The following PLCB1 variants were observed in gnomAD, a reference collection of about 807,000 sequenced individuals.
The protein encoded by PLCB1 is 1-phosphatidylinositol 4,5-bisphosphate phosphodiesterase beta-1.
A neutral mutation model predicts 161.8 loss-of-function variants in PLCB1; 46 were observed. The ratio of observed to expected loss-of-function variants is 0.28; its 90% CI spans 0.22 to 0.36. The LOEUF is 0.36. PLCB1 is among the 10% of genes least tolerant of loss of function. PLCB1 has a pLI of 1.00. For missense variants in PLCB1, 1,016 were observed against 1,472.5 expected (o/e 0.69, Z 5.07); for synonymous variants, 517 against 503.7 (o/e 1.03, Z -0.35).
intron 3 of PLCB1, among the ~76,000 whole-genome samples, chr20:8,413,793 A>G (rs188295352): frequency 1.4e-4 from 21 of 152,248 alleles, no homozygotes; most frequent in Non-Finnish European, 2.5e-4. Context: ...AGACTTTAAA[A>G]CTCAAGAGCT....
intron 3 of PLCB1, among the ~76,000 whole-genome samples, chr20:8,403,839 A>G (rs1232738144): frequency 6.6e-6 from 1 of 152,196 alleles, no homozygotes; most frequent in Admixed American, 6.5e-5. Context: ...ATGAACATTC[A>G]GTATCTTCAG....
chr20:8,385,120 C>G (rs535471373), intron 3 of PLCB1, among the ~76,000 whole-genome samples: 12 of 152,334 alleles, frequency 7.9e-5, no homozygotes, highest in South Asian at 6.2e-4. Flanking sequence ...TTCCTCAGAA[C>G]TACCAGGATG....
chr20:8,733,161 A>G (rs1249270377), intron 18 of PLCB1, 77 bp from the exon 19 acceptor site: 4 of 1,430,436 alleles, frequency 2.8e-6, no homozygotes, highest in Admixed American at 3.4e-5. Flanking sequence ...GACTGGGATC[A>G]ACTTTACTTT....
At chr20:8,818,144 A>G (rs927364630) in intron 31 of PLCB1, among the ~76,000 whole-genome samples, 4 of 152,234 alleles carry the variant, frequency 2.6e-5, no homozygotes, top group Non-Finnish European at 5.9e-5. Context: ...TAATAAAATT[A>G]ATTCTGGATT....
At chr20:8,169,628 G>A (rs140306761) in intron 2 of PLCB1, among the ~76,000 whole-genome samples, 1 of 152,294 alleles carries the variant, frequency 6.6e-6, no homozygotes, top group East Asian at 1.9e-4. Flanking sequence ...GAATGCCAGT[G>A]TCTCAGGTTG....
chr20:8,561,478 T>G (rs1986139839), intron 3 of PLCB1, among the ~76,000 whole-genome samples: 1 of 151,456 alleles, frequency 6.6e-6, no homozygotes, highest in Non-Finnish European at 1.5e-5. Flanking sequence ...CACTGGAGAG[T>G]TGAAACAAAA....
At chr20:8,284,785 T>A (rs948847081) in intron 2 of PLCB1, among the ~76,000 whole-genome samples, 2 of 152,086 alleles carry the variant, frequency 1.3e-5, no homozygotes, top group Non-Finnish European at 2.9e-5. Flanking sequence ...TGCCCTTAAT[T>A]CTTATTTCTC....
chr20:8,145,813 ATATTT>A (rs1359454651), intron 1 of PLCB1, among the ~76,000 whole-genome samples: 3 of 152,226 alleles, frequency 2.0e-5, no homozygotes, highest in Non-Finnish European at 4.4e-5. Flanking sequence ...TACGAATACT[ATATTT>A]AATTTAATCC....
At chr20:8,681,113 T>TAAA (rs1568558253) in intron 9 of PLCB1, among the ~76,000 whole-genome samples, 17 of 110,844 alleles carry the variant, frequency 1.5e-4, no homozygotes, top group African/African-American at 7.2e-4. Context: ...TATATATATA[T>TAAA]ATATATAATA....
At chr20:8,559,371 C>T (rs1986068794) in intron 3 of PLCB1, among the ~76,000 whole-genome samples, 1 of 151,642 alleles carries the variant, frequency 6.6e-6, no homozygotes, top group African/African-American at 2.4e-5. Context: ...AAAAATCAAA[C>T]ACAAAAGAAG....
chr20:8,750,958 C>T (rs778117941), intron 23 of PLCB1: 53 of 583,644 alleles, frequency 9.1e-5, no homozygotes, highest in South Asian at 1.5e-4. Context: ...TTTTTTGAGA[C>T]GGAGTCTTGC....
rs976934416 is a variant in PLCB1, at chr20:8,556,629, G to T, written c.247-71665G>T. Among the ~76,000 whole-genome samples the T allele has an allele frequency of 2.7e-5, 4 of 150,432 alleles. No homozygotes were observed. The Admixed American group carries it at 2.7e-4, about 10-fold the overall frequency. On this transcript the variant is annotated intron_variant, in intron 3 of 31. Transcript: ENST00000338037. ...AGGAAATGAAGGCTAAGGCAGAGTT[G>T]TAAACAGCCAGGCTAGGAGAGGGTT...
chr20:8,870,619 G>C (rs1348971266), intron 31 of PLCB1, among the ~76,000 whole-genome samples: 1 of 152,118 alleles, frequency 6.6e-6, no homozygotes, highest in Non-Finnish European at 1.5e-5. Flanking sequence ...TAAATCACAT[G>C]GTCTCTAGTT....
At chr20:8,827,491 A>G (rs1303596331) in intron 31 of PLCB1, among the ~76,000 whole-genome samples, 1 of 152,252 alleles carries the variant, frequency 6.6e-6, no homozygotes, top group Non-Finnish European at 1.5e-5. Context: ...GTACTGTCCA[A>G]GGTGGTAAAC....
At chr20:8,246,005 A>G (rs1027762372) in intron 2 of PLCB1, among the ~76,000 whole-genome samples, 1 of 151,962 alleles carries the variant, frequency 6.6e-6, no homozygotes, top group African/African-American at 2.4e-5. Flanking sequence ...ACCATGCAAT[A>G]TTACTTCTCA....
intron 3 of PLCB1, among the ~76,000 whole-genome samples, chr20:8,496,057 C>T (rs1266134848): frequency 2.6e-5 from 4 of 152,128 alleles, no homozygotes; most frequent in African/African-American, 7.2e-5. Context: ...TTCTTTGTAG[C>T]TTAATCTCCA....
chr20:8,788,888 A>C (rs1480374717), intron 29 of PLCB1, among the ~76,000 whole-genome samples, 166 bp downstream of exon 29: 4 of 152,170 alleles, frequency 2.6e-5, no homozygotes, highest in Non-Finnish European at 5.9e-5. Flanking sequence ...GGGAAGGCTC[A>C]AGCAAAGACT....
At position 8,717,766 on chromosome 20, in the gene PLCB1, C is replaced by A. The variant is rs758504402; in HGVS notation, c.1431C>A (p.Ser477Arg). 2.5e-6 allele frequency: 4 copies of A among 1,613,720 alleles called. No individual in the cohort carries two copies. The highest frequency in any genetic ancestry group is 1.7e-6 in the Non-Finnish European group (2 of 1,179,766). The stretch of plus-strand genomic sequence containing the variant: ...AATCACACAAGTCATCAGAAGGAAG[C>A]GGCAAAAAGAAGCTCTCAGAACAAG... ...KKKSHKSSEG[S>R]GKKKLSEQAS... Residue 477 changes from serine (S) to arginine (R), a missense_variant, in exon 14 of 32, where the codon AGC becomes AGA. Transcript: ENST00000338037.
intron 11 of PLCB1, among the ~76,000 whole-genome samples, chr20:8,705,435 C>T (rs755693550): frequency 8.5e-5 from 13 of 152,110 alleles, no homozygotes; most frequent in Admixed American, 1.3e-4. Context: ...GTGAAGAAAA[C>T]AAGTTCTTAC....
Sources: allele counts gnomAD v4.1 joint callset (sites outside exome capture counted in the v4.1 genomes callset), GRCh38; gene constraint gnomAD v4.1.1; transcripts MANE v1.5; gene names NCBI Gene and HGNC (gene_info 2026-07-23, HGNC 2026-07-21).